HS6ST3: variants seen among roughly 807,000 people sequenced by gnomAD.
The protein encoded by HS6ST3 is heparan sulfate 6-O-sulfotransferase 3.
A neutral mutation model predicts 36.7 loss-of-function variants in HS6ST3; 12 were observed. That is an observed-to-expected ratio of 0.33 (90% confidence interval 0.21 to 0.53). The LOEUF (loss-of-function observed/expected upper bound fraction) is 0.53, where lower values mean the gene tolerates loss of function less well. HS6ST3 is among the 20% of genes least tolerant of loss of function. The pLI is 0.95. For missense variants in HS6ST3, 584 were observed against 640.9 expected (o/e 0.91, Z 0.96); for synonymous variants, 240 against 257.5 (o/e 0.93, Z 0.65).
intron 1 of HS6ST3, among the ~76,000 whole-genome samples, chr13:96,326,460 G>A (rs1052538810): frequency 7.2e-5 from 11 of 151,730 alleles, no homozygotes; most frequent in African/African-American, 2.4e-4. Flanking sequence ...AGTTTGCTGA[G>A]AATGATGGTT....
intron 1 of HS6ST3, among the ~76,000 whole-genome samples, chr13:96,515,422 A>G (rs183736697): frequency 5.3e-4 from 81 of 152,292 alleles, no homozygotes; most frequent in Admixed American, 3.9e-3. Flanking sequence ...ATTTTAGTAG[A>G]GTTGCTTCTG....
At chr13:96,745,096 A>G (rs1441195032) in intron 1 of HS6ST3, among the ~76,000 whole-genome samples, 1 of 152,092 alleles carries the variant, frequency 6.6e-6, no homozygotes, top group African/African-American at 2.4e-5. Context: ...AAGAAGATAC[A>G]TGGCCTCTTA....
At chr13:96,583,199 C>CTTTTTTTTTT (rs1210357260) in intron 1 of HS6ST3, among the ~76,000 whole-genome samples, 2 of 33,946 alleles carry the variant, frequency 5.9e-5, no homozygotes, top group African/African-American at 1.1e-4. Context: ...ATTTCTTTTT[C>CTTTTTTTTTT]TTTTCTTTTT....
At chr13:96,172,184 T>G (rs965254288) in intron 1 of HS6ST3, among the ~76,000 whole-genome samples, 1 of 152,224 alleles carries the variant, frequency 6.6e-6, no homozygotes, top group African/African-American at 2.4e-5. Flanking sequence ...TGAAATCATA[T>G]TGGACGCCCT....
intron 1 of HS6ST3, among the ~76,000 whole-genome samples, chr13:96,638,203 A>C (rs923987452): frequency 6.6e-6 from 1 of 152,114 alleles, no homozygotes; most frequent in Non-Finnish European, 1.5e-5. Context: ...CCAGAAATAT[A>C]TAATTCCACA....
At chr13:96,500,969 G>A (rs1456428889) in intron 1 of HS6ST3, among the ~76,000 whole-genome samples, 1 of 152,112 alleles carries the variant, frequency 6.6e-6, no homozygotes, top group African/African-American at 2.4e-5. Context: ...ATGCAGTTTG[G>A]CAATCTCAAG....
chr13:96,282,346 C>T (rs951443266), intron 1 of HS6ST3, among the ~76,000 whole-genome samples: 2 of 152,144 alleles, frequency 1.3e-5, no homozygotes, highest in Non-Finnish European at 2.9e-5. Flanking sequence ...CATGACCTTT[C>T]ACCAGGTGAA....
At chr13:96,105,006 G>A (rs74549515) in intron 1 of HS6ST3, among the ~76,000 whole-genome samples, 1 of 141,766 alleles carries the variant, frequency 7.1e-6, no homozygotes, top group Non-Finnish European at 1.6e-5. Flanking sequence ...AATGTACAGG[G>A]CAAATAATGT....
chr13:96,351,730 C>A (rs1163644853), intron 1 of HS6ST3, among the ~76,000 whole-genome samples: 1 of 152,114 alleles, frequency 6.6e-6, no homozygotes. Flanking sequence ...TTTACTACTT[C>A]AGCCAGTGAA....
intron 1 of HS6ST3, among the ~76,000 whole-genome samples, chr13:96,294,540 TCC>T (rs996903384): frequency 6.6e-6 from 1 of 152,064 alleles, no homozygotes; most frequent in East Asian, 1.9e-4. Flanking sequence ...CCCAGGATGT[TCC>T]CCACATTGTA....
At chr13:96,803,874 G>A (rs1293156060) in intron 1 of HS6ST3, among the ~76,000 whole-genome samples, 1 of 152,082 alleles carries the variant, frequency 6.6e-6, no homozygotes, top group Non-Finnish European at 1.5e-5. Context: ...TGTTGGGGAG[G>A]GGAGGGATTA....
At position 96,254,486 on chromosome 13, in the gene HS6ST3, T is replaced by C. The variant is rs1429242036; in HGVS notation, c.707+162917T>C. On this transcript the variant is annotated intron_variant, in intron 1 of 1. Coordinates refer to ENST00000376705, the MANE Select transcript of HS6ST3 (RefSeq NM_153456.4). ...ATATATATATATATATATATATATA[T>C]ATATATATATATACACATACATACA... Among the ~76,000 whole-genome samples the C allele has an allele frequency of 4.5e-4, 6 of 13,310 alleles. 1 individual carries two copies. Among genetic ancestry groups the C allele is most frequent in the East Asian group, 2.4e-3 (1 of 420 alleles). 8.7% of individuals were successfully genotyped at this position (13,310 alleles called of 152,430 possible). A position where few individuals can be genotyped will look rare whatever the true frequency, so the allele number is the denominator to read the frequency against.
At chr13:96,145,111 TGTGC>T (rs2054050850) in intron 1 of HS6ST3, among the ~76,000 whole-genome samples, 5 of 5,832 alleles carry the variant, frequency 8.6e-4, no homozygotes, top group Non-Finnish European at 1.8e-3. Context: ...TAAACATACG[TGTGC>T]GTGTGCATGT....
intron 1 of HS6ST3, among the ~76,000 whole-genome samples, chr13:96,344,916 G>T (rs2055146596): frequency 6.6e-6 from 1 of 152,172 alleles, no homozygotes; most frequent in African/African-American, 2.4e-5. Context: ...GCTTGTCCAT[G>T]TGTAAATAAT....
intron 1 of HS6ST3, among the ~76,000 whole-genome samples, chr13:96,680,078 T>C (rs1566428050): frequency 6.6e-6 from 1 of 152,094 alleles, no homozygotes; most frequent in Non-Finnish European, 1.5e-5. Context: ...CAAGACAGGT[T>C]TGGTGCCTGC....
At chr13:96,593,723 G>A (rs748411609) in intron 1 of HS6ST3, among the ~76,000 whole-genome samples, 13 of 151,392 alleles carry the variant, frequency 8.6e-5, no homozygotes, top group Non-Finnish European at 1.8e-4. Context: ...GCATTTTGAG[G>A]TGCATATATA....
intron 1 of HS6ST3, among the ~76,000 whole-genome samples, chr13:96,169,353 A>G (rs1313669118): frequency 6.6e-6 from 1 of 151,978 alleles, no homozygotes; most frequent in Non-Finnish European, 1.5e-5. Context: ...CTATAGGAAA[A>G]CTGTTTGGTA....
intron 1 of HS6ST3, among the ~76,000 whole-genome samples, chr13:96,248,762 A>G (rs951463522): frequency 1.3e-5 from 2 of 152,190 alleles, no homozygotes; most frequent in Non-Finnish European, 2.9e-5. Context: ...ATAAGCTCCT[A>G]CCACCTGAAA....
chr13:96,389,617 A>T lies in HS6ST3; in HGVS notation c.707+298048A>T, dbSNP rs377688169. On this transcript the variant is annotated intron_variant, in intron 1 of 1. Coordinates refer to ENST00000376705, the MANE Select transcript of HS6ST3 (RefSeq NM_153456.4). ...GGGAATTTCCGTCTCCCTAAATCTC[A>T]TCTCCTCTACCAAAAGGCACTATGT... 3.3e-5 allele frequency among the ~76,000 whole-genome samples: 5 copies of T among 152,282 alleles called. No individual in the cohort carries two copies. In the East Asian group the frequency reaches 5.8e-4, roughly 18 times the overall value.
Sources: gnomAD v4.1 joint callset for allele counts (sites outside exome capture counted in the v4.1 genomes callset) on GRCh38, gnomAD v4.1.1 for gene constraint, MANE v1.5 for transcripts, NCBI Gene and HGNC (gene_info 2026-07-23, HGNC 2026-07-21) for gene names.